Variants in YAP1 observed in about 807,000 individuals in gnomAD.
The protein encoded by YAP1 is Yes1 associated transcriptional regulator.
YAP1 carries 5 observed loss-of-function variants against 56.9 expected under a neutral mutation model. The ratio of observed to expected loss-of-function variants is 0.09; its 90% CI spans 0.05 to 0.18. YAP1 has a LOEUF of 0.18. Among genes scored for constraint, YAP1 ranks in the 10% least tolerant of loss-of-function variants. YAP1 has a pLI of 1.00. For synonymous variants in YAP1, 265 were observed against 248.1 expected, an observed-to-expected ratio of 1.07 and a Z score of -0.64; for missense variants, 539 against 651.8, an observed-to-expected ratio of 0.83 and a Z score of 1.88.
intron 3 of YAP1, among the ~76,000 whole-genome samples, chr11:102,165,991 CAA>C (rs1565221415): frequency 6.6e-6 from 1 of 152,104 alleles, no homozygotes; most frequent in Non-Finnish European, 1.5e-5. Context: ...AGAGAATATT[CAA>C]AGAGAGCACT....
chr11:102,183,266 G>C (rs768400581), intron 3 of YAP1, among the ~76,000 whole-genome samples: 1 of 152,182 alleles, frequency 6.6e-6, no homozygotes, highest in Non-Finnish European at 1.5e-5. Flanking sequence ...CATATACAAG[G>C]AGATGGCATG....
intron 2 of YAP1, among the ~76,000 whole-genome samples, chr11:102,161,629 T>C (rs1212710472): frequency 6.6e-6 from 1 of 152,150 alleles, no homozygotes; most frequent in Non-Finnish European, 1.5e-5. Flanking sequence ...CTTCTGGCTA[T>C]TAATGCAGGA....
At position 102,110,925 on chromosome 11, in the gene YAP1, G is replaced by A. The variant is rs1188136705; in HGVS notation, c.77G>A (p.Gly26Glu). ...QGQPPSQPPQ[G>E]QGPPSGPGQP... ...CAGCCGCCTTCGCAGCCCCCGCAGG[G>A]GCAGGGCCCGCCGTCCGGACCCGGG... Residue 26 changes from glycine (G) to glutamate (E), a missense_variant, in exon 1 of 9, where the codon GGG becomes GAG. Transcript: ENST00000282441. 2 of 1,458,694 alleles carry A rather than the reference G, an allele frequency of 1.4e-6. No homozygotes were observed. Among genetic ancestry groups the A allele is most frequent in the African/African-American group, 1.5e-5 (1 of 66,994 alleles). The allele number at this position is 1,458,694 out of a possible 1,614,324, so 90.4% of individuals were successfully genotyped here. A position where few individuals can be genotyped will look rare whatever the true frequency, so the allele number is the denominator to read the frequency against.
rs555794010 is a variant in YAP1, at chr11:102,153,010, T to C, written c.573-9446T>C. ...ATGGGAAAGGAATTGAAGGCGGAGA[T>C]ACTGTGTGAACAAGGGCATGGAGAC... On this transcript the variant is annotated intron_variant, in intron 2 of 8. Coordinates refer to ENST00000282441, the MANE Select transcript of YAP1 (RefSeq NM_001130145.3). Among the ~76,000 whole-genome samples the C allele has an allele frequency of 1.2e-4, 19 of 152,340 alleles. No individual in the cohort carries two copies. In the South Asian group the frequency reaches 3.7e-3, roughly 30 times the overall value.
chr11:102,216,791 T>C (rs1949693059), intron 6 of YAP1, among the ~76,000 whole-genome samples: 1 of 152,206 alleles, frequency 6.6e-6, no homozygotes, highest in Non-Finnish European at 1.5e-5. Context: ...CTAGGATAAA[T>C]AGTTTGACAG....
intron 2 of YAP1, among the ~76,000 whole-genome samples, chr11:102,140,232 T>A (rs192060978): frequency 6.6e-6 from 1 of 151,930 alleles, no homozygotes; most frequent in East Asian, 1.9e-4. Flanking sequence ...CTGGAAAAAA[T>A]TCAATTTCAA....
chr11:102,152,860 C>T (rs556211445), intron 2 of YAP1, among the ~76,000 whole-genome samples: 1 of 152,214 alleles, frequency 6.6e-6, no homozygotes, highest in East Asian at 1.9e-4. Flanking sequence ...GGTTTTTCCT[C>T]AAAAATGCAG....
chr11:102,117,498 A>C (rs1316456552), intron 2 of YAP1, among the ~76,000 whole-genome samples: 2 of 152,242 alleles, frequency 1.3e-5, no homozygotes, highest in African/African-American at 2.4e-5. Flanking sequence ...TAGAAATGTT[A>C]AGAAACAACC....
intron 4 of YAP1, among the ~76,000 whole-genome samples, chr11:102,188,180 C>T (rs1308824349): frequency 6.6e-6 from 1 of 152,108 alleles, no homozygotes; most frequent in Non-Finnish European, 1.5e-5. Context: ...TAAACTATCC[C>T]CTTGTTTCTG....
chr11:102,126,311 T>C (rs371319923), intron 2 of YAP1, among the ~76,000 whole-genome samples: 1 of 152,310 alleles, frequency 6.6e-6, no homozygotes, highest in Non-Finnish European at 1.5e-5. Flanking sequence ...ATCCTTGATA[T>C]GGTTTGGCTG....
chr11:102,226,893 C>T (rs1282577552), intron 7 of YAP1: 2 of 152,252 alleles, frequency 1.3e-5, no homozygotes, highest in Non-Finnish European at 2.9e-5. Flanking sequence ...AGTGACTCAC[C>T]TATTTTGGCT....
intron 3 of YAP1, among the ~76,000 whole-genome samples, chr11:102,173,705 T>A (rs1947059074): frequency 6.6e-6 from 1 of 152,210 alleles, no homozygotes; most frequent in Non-Finnish European, 1.5e-5. Context: ...AAATATTGGA[T>A]CGATCCAAGA....
intron 6 of YAP1, among the ~76,000 whole-genome samples, chr11:102,215,901 T>A (rs1356347375): frequency 6.6e-6 from 1 of 152,212 alleles, no homozygotes. Context: ...TATATTTATA[T>A]AAGAAAACAG....
Position 102,139,243 on chromosome 11 carries a change from T to A in YAP1, c.573-23213T>A, listed in dbSNP as rs543214910. On this transcript the variant is annotated intron_variant, in intron 2 of 8. Coordinates refer to ENST00000282441, the MANE Select transcript of YAP1 (RefSeq NM_001130145.3). Reference sequence around the variant, plus strand: ...TCTCTTGACTTAAAAAAAAAAAAAGTCCATGGTGACTCCTCCATTTTTGGT... The same window carrying A: ...TCTCTTGACTTAAAAAAAAAAAAAGACCATGGTGACTCCTCCATTTTTGGT... Among the ~76,000 whole-genome samples the A allele has an allele frequency of 2.0e-4, 30 of 150,334 alleles. No homozygotes were observed. In the East Asian group the frequency reaches 5.7e-3, roughly 28 times the overall value.
In YAP1 at chr11:102,229,877, T is replaced by C; in HGVS notation, c.1452T>C (p.Asn484=). ...LQEALSSDIL[N]DMESVLAATK... is the part of the protein sequence containing the mutation. ...AAGCTTTGAGTTCTGACATCCTTAA[T>C]GACATGGAGTCTGTTTTGGCTGCCA... Residue 484 remains asparagine (N), a synonymous_variant, in exon 9 of 9, where the codon AAT becomes AAC. Transcript: ENST00000282441. 3 of 1,614,154 alleles carry C rather than the reference T, an allele frequency of 1.9e-6. No homozygotes were observed. Among genetic ancestry groups the C allele is most frequent in the Non-Finnish European group, 2.5e-6 (3 of 1,179,988 alleles).
At chr11:102,139,943 G>C (rs138590362) in intron 2 of YAP1, among the ~76,000 whole-genome samples, 10 of 152,002 alleles carry the variant, frequency 6.6e-5, no homozygotes, top group African/African-American at 2.2e-4. Flanking sequence ...GATGAAATTG[G>C]CTTATCTGAA....
chr11:102,187,605 T>C (rs1370439626), intron 4 of YAP1, among the ~76,000 whole-genome samples: 1 of 152,202 alleles, frequency 6.6e-6, no homozygotes, highest in African/African-American at 2.4e-5. Context: ...GGAATTTTTT[T>C]CCCTGACATA....
chr11:102,120,629 TA>T (rs1943592553), intron 2 of YAP1, among the ~76,000 whole-genome samples: 1 of 152,232 alleles, frequency 6.6e-6, no homozygotes, highest in African/African-American at 2.4e-5. Flanking sequence ...GACATTTTAT[TA>T]AAAGCTCCTT....
intron 2 of YAP1, among the ~76,000 whole-genome samples, chr11:102,139,861 G>A (rs1259319406): frequency 6.6e-6 from 1 of 151,948 alleles, no homozygotes. Flanking sequence ...TTTTGTGTAG[G>A]GTTTTGTGAG....
Sources: gnomAD v4.1 joint callset for allele counts (sites outside exome capture counted in the v4.1 genomes callset) on GRCh38, gnomAD v4.1.1 for gene constraint, MANE v1.5 for transcripts, NCBI Gene and HGNC (gene_info 2026-07-23, HGNC 2026-07-21) for gene names.